SLC34A1: variants seen among roughly 807,000 people sequenced by gnomAD.
SLC34A1 encodes solute carrier family 34 member 1.
In SLC34A1, 57 loss-of-function variants were observed where a neutral mutation model predicts 51.4. The ratio of observed to expected loss-of-function variants is 1.11; its 90% CI spans 0.90 to 1.38. The LOEUF is 1.38. Ranked by LOEUF, SLC34A1 falls within the 40% of genes most tolerant of loss-of-function variation. The probability of loss-of-function intolerance (pLI) is 0.00; values close to 1 mark genes in which losing one functional copy is unlikely to be tolerated. For missense variants in SLC34A1, 796 were observed against 835.6 expected (o/e 0.95, Z 0.58); for synonymous variants, 368 against 358.0 (o/e 1.03, Z -0.32).
At position 177,385,726 on chromosome 5, in the gene SLC34A1, A is replaced by C. The variant is rs1762536438; in HGVS notation, c.-16A>C. On this transcript the variant is annotated 5_prime_UTR_variant, in exon 2 of 13. Coordinates refer to ENST00000324417, the MANE Select transcript of SLC34A1 (RefSeq NM_003052.5). ...TGAGACCCACTGACCTGCAGACCTC[A>C]TAGTGGGTGCCCAGGATGTTGTCCT... The C allele has an allele frequency of 1.9e-6, 3 of 1,597,536 alleles. No individual in the cohort carries two copies. The highest frequency in any genetic ancestry group is 3.4e-5 in the Admixed American group (2 of 59,398).
Position 177,387,887 on chromosome 5 carries a change from G to A in SLC34A1, c.644+14G>A, listed in dbSNP as rs763623259. 7.5e-6 allele frequency: 12 copies of A among 1,606,922 alleles called. No individual in the cohort carries two copies. The highest frequency in any genetic ancestry group is 1.0e-5 in the Non-Finnish European group (12 of 1,176,122). On this transcript the variant is annotated intron_variant, in intron 6 of 12. Coordinates refer to ENST00000324417, the MANE Select transcript of SLC34A1 (RefSeq NM_003052.5). ...TGACTTCCGGCGGTGAGGGGGGCTGGGGGTTGGGGGCTCGTGCCTGGGGGA... is the reference window on the plus strand; with the variant it reads ...TGACTTCCGGCGGTGAGGGGGGCTGAGGGTTGGGGGCTCGTGCCTGGGGGA...
chr5:177,392,264 T>G (rs1288313224), intron 8 of SLC34A1, among the ~76,000 whole-genome samples: 1 of 152,022 alleles, frequency 6.6e-6, no homozygotes, highest in East Asian at 1.9e-4. Context: ...GAGTTCGAGA[T>G]CAGCCTGGCC....
chr5:177,386,361 G>C lies in SLC34A1; in HGVS notation c.388+12G>C. On this transcript the variant is annotated intron_variant, in intron 4 of 12. Transcript: ENST00000324417. The surrounding 1 kb of genome is among the most constrained non-coding windows in gnomAD (Gnocchi z 4.8). ...CCAGCTGGCTGGAGGTAGGGCCCGG[G>C]TGGAGGAGACCTGGGAGGGGTTCCT... is the stretch of plus-strand genomic sequence containing the variant. 6.2e-7 allele frequency: 1 copy of C among 1,614,276 alleles called. No individual in the cohort carries two copies. Among genetic ancestry groups the C allele is most frequent in the Non-Finnish European group, 8.5e-7 (1 of 1,180,046 alleles).
At chr5:177,397,292 A>G (rs894620658) in intron 12 of SLC34A1, 4 of 586,658 alleles carry the variant, frequency 6.8e-6, no homozygotes, top group Non-Finnish European at 1.2e-5. Context: ...ACCAATAAAT[A>G]GCAGTGAGTC....
intron 8 of SLC34A1, chr5:177,389,726 G>A: frequency 3.9e-6 from 6 of 1,537,240 alleles, no homozygotes; most frequent in Non-Finnish European, 5.2e-6. Context: ...CTGCCCCTGA[G>A]CTCCCTGCCG....
chr5:177,397,454 CTGAA>C (rs1192967209), intron 12 of SLC34A1: 4 of 510,230 alleles, frequency 7.8e-6, no homozygotes, highest in African/African-American at 3.8e-5. Context: ...AAGGCACTGA[CTGAA>C]TGAGGGTCCA....
chr5:177,392,961 T>C (rs1036722326), intron 8 of SLC34A1, among the ~76,000 whole-genome samples: 1 of 152,138 alleles, frequency 6.6e-6, no homozygotes, highest in Admixed American at 6.5e-5. Flanking sequence ...GTGGCTTTTC[T>C]CATAGAAATT....
At chr5:177,385,923 C>G in intron 2 of SLC34A1, 64 bp from the exon 3 acceptor site, 1 of 1,610,040 alleles carries the variant, frequency 6.2e-7, no homozygotes, top group African/African-American at 1.3e-5. Context: ...CCACTTCCCC[C>G]GCCTGTTCCT....
chr5:177,394,014 T>G lies in SLC34A1; in HGVS notation c.1007-14T>G. The G allele has an allele frequency of 6.2e-7, 1 of 1,613,818 alleles. No individual in the cohort carries two copies. Among genetic ancestry groups the G allele is most frequent in the African/African-American group, 1.3e-5 (1 of 75,030 alleles). On this transcript the variant is annotated splice_polypyrimidine_tract_variant and intron_variant, in intron 9 of 12. Coordinates refer to ENST00000324417, the MANE Select transcript of SLC34A1 (RefSeq NM_003052.5). ...AGGTGTGGGGTCAGCTGTCAGGAGC[T>G]CCACCCCCTGCAGGCAACCACATCT...
intron 8 of SLC34A1, chr5:177,390,431 G>A: frequency 1.0e-6 from 1 of 961,792 alleles, no homozygotes; most frequent in African/African-American, 1.8e-5. Flanking sequence ...TTACAGACGA[G>A]GAGCACTGAG....
rs766429764 is a variant in SLC34A1 at position 177,397,994 on chromosome 5, G to A, written c.1628G>A (p.Gly543Asp). Reference protein sequence around the residue: ...ISMAGWQVMVGVGTPFGALLA... With the variant: ...ISMAGWQVMVDVGTPFGALLA... Reference sequence around the variant, plus strand: ...ATGGCAGGCTGGCAGGTCATGGTAGGTGTGGGCACGCCCTTCGGGGCCCTG... The same window carrying A: ...ATGGCAGGCTGGCAGGTCATGGTAGATGTGGGCACGCCCTTCGGGGCCCTG... The change falls in exon 13 of 13, where the codon GGT becomes GAT. Residue 543 changes from glycine to aspartate, a missense_variant. Physicochemically the swap from Gly to Asp is moderately conservative, Grantham distance 94 (BLOSUM62 -1). Transcript: ENST00000324417. 4.3e-6 allele frequency: 7 copies of A among 1,613,918 alleles called. No homozygotes were observed. In the Admixed American group the frequency reaches 8.3e-5, roughly 19 times the overall value.
chr5:177,389,977 G>C, intron 8 of SLC34A1: 1 of 1,381,500 alleles, frequency 7.2e-7, no homozygotes, highest in South Asian at 1.6e-5. Context: ...TGGGACCCAA[G>C]CTCTCACTTT....
At chr5:177,393,222 C>T (rs373280721) in intron 8 of SLC34A1, among the ~76,000 whole-genome samples, 53 of 152,256 alleles carry the variant, frequency 3.5e-4, no homozygotes, top group African/African-American at 7.5e-4. Flanking sequence ...TGTCCCCTTA[C>T]ACCCCCTGAG....
intron 10 of SLC34A1, among the ~76,000 whole-genome samples, chr5:177,395,162 A>AAAAT (rs1472776407): frequency 6.6e-6 from 1 of 152,132 alleles, no homozygotes; most frequent in African/African-American, 2.4e-5. Flanking sequence ...ACAGAGTTCA[A>AAAAT]AAATAAATAA....
At chr5:177,394,375 G>A (rs1293990492) in intron 10 of SLC34A1, among the ~76,000 whole-genome samples, 180 bp downstream of exon 10, 3 of 152,228 alleles carry the variant, frequency 2.0e-5, no homozygotes, top group Non-Finnish European at 2.9e-5. Context: ...ACCTGTGGCC[G>A]CCTCTGGCTG....
chr5:177,388,509 C>T lies in SLC34A1; in HGVS notation c.936+137C>T. 1.3e-6 allele frequency: 1 copy of T among 755,812 alleles called. No individual in the cohort carries two copies. The highest frequency in any genetic ancestry group is 2.3e-6 in the Non-Finnish European group (1 of 432,870). 46.8% of individuals were successfully genotyped at this position (755,812 alleles called of 1,614,324 possible). On this transcript the variant is annotated intron_variant, in intron 8 of 12. Coordinates refer to ENST00000324417, the MANE Select transcript of SLC34A1 (RefSeq NM_003052.5). This position sits in a 1 kb window ranked among gnomAD's most constrained non-coding sequence, Gnocchi z 4.3. Reference sequence around the variant, plus strand: ...GCAAATATGTGGCCCTTCTACTGTGCTTACAGTTAACATTGCTAATTCCTC... The same window carrying T: ...GCAAATATGTGGCCCTTCTACTGTGTTTACAGTTAACATTGCTAATTCCTC...
Position 177,386,085 on chromosome 5 carries a change from C to T in SLC34A1, c.208C>T (p.Arg70Cys), listed in dbSNP as rs555745004. Residue 70 changes from arginine to cysteine, a missense_variant, in exon 3 of 13, where the codon CGC (arginine) becomes TGC (cysteine). Transcript: ENST00000324417. The surrounding 1 kb of genome is among the most constrained non-coding windows in gnomAD (Gnocchi z 4.8). ...HTCPCGEVLE[R>C]HEPLPAKLAL... The stretch of plus-strand genomic sequence containing the variant: ...CTGCCCCTGTGGGGAGGTCCTGGAG[C>T]GCCATGAACCACTGCCTGCCAAGCT... 149 of 1,612,580 alleles carry T rather than the reference C, an allele frequency of 9.2e-5. No individual in the cohort carries two copies. Among genetic ancestry groups the T allele is most frequent in the South Asian group, 1.5e-4 (14 of 90,928 alleles).
At position 177,398,004 on chromosome 5, in the gene SLC34A1, G is replaced by A. The variant is rs748605982; in HGVS notation, c.1638G>A (p.Thr546=). The A allele has an allele frequency of 5.0e-6, 8 of 1,613,800 alleles. No individual in the cohort carries two copies. The highest frequency in any genetic ancestry group is 1.3e-5 in the African/African-American group (1 of 74,872). The change falls in exon 13 of 13, where the codon ACG becomes ACA. Residue 546 remains threonine (T), a synonymous_variant. Transcript: ENST00000324417. This position sits in a 1 kb window ranked among gnomAD's most constrained non-coding sequence, Gnocchi z 4.7. ...AGWQVMVGVG[T]PFGALLAFVV... ...GGCAGGTCATGGTAGGTGTGGGCAC[G>A]CCCTTCGGGGCCCTGCTGGCCTTCG... is the stretch of plus-strand genomic sequence containing the variant.
At chr5:177,391,587 C>G (rs1168306452) in intron 8 of SLC34A1, among the ~76,000 whole-genome samples, 1 of 152,200 alleles carries the variant, frequency 6.6e-6, no homozygotes, top group Non-Finnish European at 1.5e-5. Context: ...CCAGGAAGGT[C>G]CAGCAGGCTC....
Sources: gnomAD v4.1 joint callset for allele counts (sites outside exome capture counted in the v4.1 genomes callset) on GRCh38, gnomAD v4.1.1 for gene constraint, Gnocchi (gnomAD v3.1) non-coding constraint, MANE v1.5 for transcripts, NCBI Gene and HGNC (gene_info 2026-07-23, HGNC 2026-07-21) for gene names.